Variants in FAM227A observed in about 807,000 individuals in gnomAD.
FAM227A encodes the protein protein FAM227A.
FAM227A carries 80 observed loss-of-function variants against 74.7 expected under a neutral mutation model. That is an observed-to-expected ratio of 1.07 (90% CI 0.89 to 1.29). The LOEUF is 1.29. Among genes scored for constraint, FAM227A ranks in the 50% most tolerant of loss-of-function variants. The pLI, the probability that FAM227A is intolerant of heterozygous loss-of-function variation, is 0.00. For missense variants in FAM227A, 654 were observed against 683.4 expected (o/e 0.96, Z 0.48); for synonymous variants, 237 against 241.8 (o/e 0.98, Z 0.19).
intron 15 of FAM227A, among the ~76,000 whole-genome samples, chr22:38,595,420 A>C (rs561393700): frequency 1.4e-4 from 21 of 152,368 alleles, no homozygotes; most frequent in Middle Eastern, 3.4e-3. Flanking sequence ...GAGACAAAGA[A>C]AGATAAAAGA....
At chr22:38,614,947 AG>A (rs2091544506) in intron 11 of FAM227A, among the ~76,000 whole-genome samples, 2 of 152,244 alleles carry the variant, frequency 1.3e-5, no homozygotes, top group African/African-American at 4.8e-5. Flanking sequence ...TGCTAAGCAC[AG>A]GGCCAAGAGT....
intron 9 of FAM227A, among the ~76,000 whole-genome samples, chr22:38,625,081 T>C (rs1485807014): frequency 6.6e-6 from 1 of 152,010 alleles, no homozygotes; most frequent in African/African-American, 2.4e-5. Context: ...GGGAGGGGAC[T>C]AGGAGGCGGT....
At chr22:38,609,938 G>A (rs1350952465) in intron 11 of FAM227A, among the ~76,000 whole-genome samples, 4 of 152,022 alleles carry the variant, frequency 2.6e-5, no homozygotes, top group Non-Finnish European at 5.9e-5. Context: ...CGCTTGGGTA[G>A]GTTTTTGTAT....
chr22:38,618,195 G>C, intron 11 of FAM227A, among the ~76,000 whole-genome samples: 1 of 152,154 alleles, frequency 6.6e-6, no homozygotes, highest in Non-Finnish European at 1.5e-5. Context: ...AAAAACAGCA[G>C]ATGCAGGAAA....
At position 38,599,812 on chromosome 22, in the gene FAM227A, T is replaced by C. The variant is rs1422006279; in HGVS notation, c.1331A>G (p.His444Arg). Residue 444 changes from histidine to arginine, a missense_variant, in exon 14 of 17, where the codon CAC becomes CGC. Coordinates refer to ENST00000535113, the MANE Select transcript of FAM227A (RefSeq NM_001013647.2). ...FLQNYASLQQ[H>R]GKNVLIVRRE... ...TCTGACTATCAACACATTCTTGCCG[T>C]GCTGCTGCAGACTGGCATAGTTCTG... The C allele has an allele frequency of 6.4e-7, 1 of 1,551,362 alleles. No homozygotes were observed. The highest frequency in any genetic ancestry group is 8.7e-7 in the Non-Finnish European group (1 of 1,146,894).
chr22:38,583,230 T>C lies in FAM227A; in HGVS notation c.*2895A>G, dbSNP rs12485129. ...TCTTGTTACCCAGGCTGGAGTGCAATGGTGCAATCTCAGCTCACTGCATCC... is the reference window on the plus strand; with the variant it reads ...TCTTGTTACCCAGGCTGGAGTGCAACGGTGCAATCTCAGCTCACTGCATCC... On this transcript the variant is annotated 3_prime_UTR_variant, in exon 17 of 17. Coordinates refer to ENST00000535113, the MANE Select transcript of FAM227A (RefSeq NM_001013647.2). The C allele has an allele frequency of 0.082, 23,179 of 284,248 alleles. 1,259 individuals carry two copies. Among genetic ancestry groups the C allele is most frequent in the East Asian group, 0.17 (1,963 of 11,598 alleles). The allele number at this position is 284,248 out of a possible 1,614,324, so 17.6% of individuals were successfully genotyped here. A position where few individuals can be genotyped will look rare whatever the true frequency, so the allele number is the denominator to read the frequency against.
intron 13 of FAM227A, among the ~76,000 whole-genome samples, chr22:38,604,543 TC>T (rs1357826306): frequency 6.6e-6 from 1 of 152,210 alleles, no homozygotes; most frequent in Non-Finnish European, 1.5e-5. Context: ...CTAGTGACTT[TC>T]CTGTGCTGGG....
intron 12 of FAM227A, 109 bp downstream of exon 12, chr22:38,607,280 A>G (rs1259057533): frequency 1.4e-6 from 1 of 705,676 alleles, no homozygotes; most frequent in Non-Finnish European, 2.4e-6. Context: ...TGGAACCCCA[A>G]GTATAAAGTA....
chr22:38,634,036 T>C (rs1033646995), intron 6 of FAM227A, among the ~76,000 whole-genome samples: 1 of 151,548 alleles, frequency 6.6e-6, no homozygotes, highest in Non-Finnish European at 1.5e-5. Context: ...TTGGCAAACA[T>C]GGGGAAACCC....
At chr22:38,641,783 T>G (rs2092120088) in intron 3 of FAM227A, among the ~76,000 whole-genome samples, 1 of 152,108 alleles carries the variant, frequency 6.6e-6, no homozygotes, top group Admixed American at 6.6e-5. Flanking sequence ...TGCCTCAGAT[T>G]TCTTAAGTGC....
In FAM227A at chr22:38,649,056, A is replaced by G. The variant is rs1338694613; in HGVS notation, c.142+971T>C. Among the ~76,000 whole-genome samples, 5 of 152,294 alleles carry G rather than the reference A, an allele frequency of 3.3e-5. No individual in the cohort carries two copies. The East Asian group carries it at 7.7e-4, about 23-fold the overall frequency. On this transcript the variant is annotated intron_variant, in intron 2 of 16. Transcript: ENST00000535113. ...CACCACAATTTCTTAGTTGCTATCA[A>G]TAACATCTATAATTCTTTGGGAGAT...
intron 16 of FAM227A, among the ~76,000 whole-genome samples, chr22:38,590,663 C>T (rs1356900258): frequency 1.3e-5 from 2 of 152,198 alleles, no homozygotes; most frequent in Admixed American, 6.5e-5. Flanking sequence ...CTGTCTCATA[C>T]AGTTCATGAA....
chr22:38,625,209 G>A (rs1394520941), intron 9 of FAM227A, among the ~76,000 whole-genome samples: 1 of 151,898 alleles, frequency 6.6e-6, no homozygotes. Flanking sequence ...CTAACACAGT[G>A]AAACCCCGTC....
intron 3 of FAM227A, among the ~76,000 whole-genome samples, chr22:38,641,975 G>GTGCGCA (rs1555973178): frequency 1.0e-5 from 1 of 95,468 alleles, no homozygotes. Context: ...GTGTGTGTGT[G>GTGCGCA]CGCACGTGTG....
At chr22:38,596,857 A>G (rs2091056250) in intron 15 of FAM227A, among the ~76,000 whole-genome samples, 1 of 152,188 alleles carries the variant, frequency 6.6e-6, no homozygotes, top group South Asian at 2.1e-4. Flanking sequence ...ACTCTACACT[A>G]CTTTATTTAG....
intron 15 of FAM227A, among the ~76,000 whole-genome samples, chr22:38,594,786 C>T (rs951158942): frequency 6.6e-6 from 1 of 152,002 alleles, no homozygotes; most frequent in African/African-American, 2.4e-5. Context: ...CATGGTGAAA[C>T]CCAGTCTCTA....
At chr22:38,593,187 TG>T (rs2090974121) in intron 15 of FAM227A, among the ~76,000 whole-genome samples, 1 of 152,204 alleles carries the variant, frequency 6.6e-6, no homozygotes, top group African/African-American at 2.4e-5. Flanking sequence ...GAAAATCTGT[TG>T]GGACAATGAA....
intron 6 of FAM227A, among the ~76,000 whole-genome samples, chr22:38,634,021 C>A (rs2091958374): frequency 1.3e-5 from 2 of 151,734 alleles, no homozygotes; most frequent in Admixed American, 6.6e-5. Context: ...GAGTTCAAGA[C>A]CAGCTTGGCA....
chr22:38,605,317 TTTC>T lies in FAM227A; in HGVS notation c.1155_1157del (p.Lys386del). 6.4e-7 allele frequency: 1 copy of T among 1,550,766 alleles called. No individual in the cohort carries two copies. The highest frequency in any genetic ancestry group is 8.7e-7 in the Non-Finnish European group (1 of 1,145,752). On this transcript the variant is annotated inframe_deletion, in exon 13 of 17. Transcript: ENST00000535113. The stretch of plus-strand genomic sequence containing the variant: ...ATATCCTCTTGACTTCTTGCGTAGG[TTTC>T]TTCAAGACCAGGGTCTGACAATGAT...
Sources: gnomAD v4.1 joint callset for allele counts (sites outside exome capture counted in the v4.1 genomes callset) on GRCh38, gnomAD v4.1.1 for gene constraint, MANE v1.5 for transcripts, NCBI Gene and HGNC (gene_info 2026-07-23, HGNC 2026-07-21) for gene names.